MFHAS1: variants seen among roughly 807,000 people sequenced by gnomAD.
MFHAS1 encodes the protein multifunctional ROCO family signaling regulator 1, also known as malignant fibrous histiocytoma-amplified sequence 1.
In MFHAS1, 50 loss-of-function variants were observed where a neutral mutation model predicts 70.4. The ratio of observed to expected loss-of-function variants is 0.71; its 90% CI spans 0.57 to 0.90. The LOEUF is 0.90. MFHAS1 is among the 40% of genes least tolerant of loss of function. MFHAS1 has a pLI of 0.00. For synonymous variants in MFHAS1, 952 were observed against 620.0 expected, an observed-to-expected ratio of 1.54 and a Z score of -7.96; for missense variants, 1,795 against 1,347.6, an observed-to-expected ratio of 1.33 and a Z score of -5.20.
intron 2 of MFHAS1, chr8:8,790,511 T>C (rs921808768): frequency 1.1e-5 from 4 of 356,026 alleles, no homozygotes; most frequent in African/African-American, 4.4e-5. Flanking sequence ...CAATTCCTCC[T>C]AGCTTGTTAA....
chr8:8,819,964 T>C (rs1806893761), intron 1 of MFHAS1, among the ~76,000 whole-genome samples: 1 of 152,146 alleles, frequency 6.6e-6, no homozygotes, highest in Non-Finnish European at 1.5e-5. Flanking sequence ...TCCCAAAGTG[T>C]TGGGACTGCA....
chr8:8,882,768 C>T (rs373066524), intron 1 of MFHAS1, among the ~76,000 whole-genome samples: 1 of 152,206 alleles, frequency 6.6e-6, no homozygotes. Context: ...AACAGGGGTT[C>T]CTAATCCCTC....
intron 1 of MFHAS1, 77 bp from the exon 2 acceptor site, chr8:8,797,568 C>G (rs1805951108): frequency 6.7e-7 from 1 of 1,494,062 alleles, no homozygotes; most frequent in Non-Finnish European, 9.1e-7. Context: ...CAGCACTGCC[C>G]GGGGATGGGG....
chr8:8,847,694 T>C (rs147013627), intron 1 of MFHAS1, among the ~76,000 whole-genome samples: 13 of 152,308 alleles, frequency 8.5e-5, no homozygotes, highest in African/African-American at 3.1e-4. Flanking sequence ...TTGCAGTAAA[T>C]TCCCTGCACA....
At chr8:8,880,698 TC>T (rs34720089) in intron 1 of MFHAS1, among the ~76,000 whole-genome samples, 24,576 of 148,842 alleles carry the variant, frequency 0.17, 2,516 homozygotes, top group East Asian at 0.22. Context: ...TTTTTTTTTT[TC>T]CCCCAGATGG....
chr8:8,817,823 T>G (rs1380239106), intron 1 of MFHAS1, among the ~76,000 whole-genome samples: 1 of 152,142 alleles, frequency 6.6e-6, no homozygotes, highest in Non-Finnish European at 1.5e-5. Flanking sequence ...CAAGCTCCTA[T>G]GAGAACCTAA....
intron 1 of MFHAS1, among the ~76,000 whole-genome samples, chr8:8,870,697 C>T (rs1748724934): frequency 1.3e-5 from 2 of 152,102 alleles, no homozygotes; most frequent in Non-Finnish European, 2.9e-5. Flanking sequence ...CTCCGAGCCC[C>T]TGGAGATCTT....
At chr8:8,787,859 C>G (rs1001707033) in intron 2 of MFHAS1, among the ~76,000 whole-genome samples, 1 of 152,202 alleles carries the variant, frequency 6.6e-6, no homozygotes, top group Non-Finnish European at 1.5e-5. Context: ...GACACCTAGA[C>G]GGAAAATCCC....
intron 1 of MFHAS1, among the ~76,000 whole-genome samples, chr8:8,873,883 A>T (rs531064483): frequency 6.6e-6 from 1 of 152,344 alleles, no homozygotes; most frequent in East Asian, 1.9e-4. Flanking sequence ...TCAGCGGTAT[A>T]TCTATCTGTA....
intron 1 of MFHAS1, among the ~76,000 whole-genome samples, chr8:8,869,321 A>T (rs1425438171): frequency 6.6e-6 from 1 of 152,220 alleles, no homozygotes; most frequent in East Asian, 1.9e-4. Flanking sequence ...CACTGAAAAT[A>T]AGCTAGAACA....
At chr8:8,788,546 G>C (rs1253935882) in intron 2 of MFHAS1, among the ~76,000 whole-genome samples, 2 of 152,188 alleles carry the variant, frequency 1.3e-5, no homozygotes, top group Non-Finnish European at 2.9e-5. Context: ...AGGCGTGGTG[G>C]TGCATGCCTG....
At chr8:8,814,849 CTTTT>C (rs34438669) in intron 1 of MFHAS1, among the ~76,000 whole-genome samples, 2 of 130,422 alleles carry the variant, frequency 1.5e-5, no homozygotes, top group Non-Finnish European at 1.6e-5. Context: ...GCTAGAATTT[CTTTT>C]TTTTTTTTTT....
chr8:8,821,208 G>T lies in MFHAS1; in HGVS notation c.2999-23717C>A, dbSNP rs556722051. Among the ~76,000 whole-genome samples the T allele has an allele frequency of 1.2e-3, 187 of 152,288 alleles. 2 individuals carry two copies. The highest frequency in any genetic ancestry group is 4.3e-3 in the African/African-American group (178 of 41,554). ...ACTGCCTGCCTGAACTGCCTGCCGGGGGATTAGCAGCTTCTGTGCAAAGCT... is the reference window on the plus strand; with the variant it reads ...ACTGCCTGCCTGAACTGCCTGCCGGTGGATTAGCAGCTTCTGTGCAAAGCT... On this transcript the variant is annotated intron_variant, in intron 1 of 2. Transcript: ENST00000276282.
At chr8:8,788,776 G>A (rs1417040072) in intron 2 of MFHAS1, among the ~76,000 whole-genome samples, 1 of 152,228 alleles carries the variant, frequency 6.6e-6, no homozygotes, top group Non-Finnish European at 1.5e-5. Flanking sequence ...GCTGACATAT[G>A]ACCTTGGCCT....
chr8:8,872,024 G>A (rs181540702), intron 1 of MFHAS1, among the ~76,000 whole-genome samples: 2 of 150,006 alleles, frequency 1.3e-5, no homozygotes, highest in African/African-American at 2.5e-5. Flanking sequence ...GAGGGAGAAG[G>A]AAGGAAGAGG....
chr8:8,820,715 A>C (rs985374572), intron 1 of MFHAS1, among the ~76,000 whole-genome samples: 4 of 152,152 alleles, frequency 2.6e-5, no homozygotes, highest in Non-Finnish European at 2.9e-5. Flanking sequence ...CTCTGAGATT[A>C]TCTCTAGTCA....
intron 2 of MFHAS1, among the ~76,000 whole-genome samples, chr8:8,786,635 A>C (rs1386041636): frequency 6.6e-6 from 1 of 152,230 alleles, no homozygotes; most frequent in African/African-American, 2.4e-5. Flanking sequence ...GTTAGAGGAA[A>C]AAATATCAAG....
At chr8:8,876,787 AC>A (rs1176978231) in intron 1 of MFHAS1, among the ~76,000 whole-genome samples, 1 of 152,082 alleles carries the variant, frequency 6.6e-6, no homozygotes, top group Non-Finnish European at 1.5e-5. Context: ...CTTTTTATCC[AC>A]AAACTTATCA....
In MFHAS1 at chr8:8,868,101, A is replaced by G. The variant is rs2116902844; in HGVS notation, c.2998+21960T>C. Among the ~76,000 whole-genome samples, 2 of 151,994 alleles carry G rather than the reference A, an allele frequency of 1.3e-5. 1 individual carries two copies. The highest frequency in any genetic ancestry group is 6.8e-3 in the Middle Eastern group (2 of 294). On this transcript the variant is annotated intron_variant, in intron 1 of 2. Coordinates refer to ENST00000276282, the MANE Select transcript of MFHAS1 (RefSeq NM_004225.3). ...GTGGTATAGCGCACAAACCTGATCC[A>G]TTTTCTAGACCAAGTTCCCAACGCA...
Sources: allele counts gnomAD v4.1 joint callset (sites outside exome capture counted in the v4.1 genomes callset), GRCh38; gene constraint gnomAD v4.1.1; transcripts MANE v1.5; gene names NCBI Gene and HGNC (gene_info 2026-07-23, HGNC 2026-07-21).